The following SGCG variants were observed in gnomAD, a reference collection of about 807,000 sequenced individuals.
SGCG encodes gamma-sarcoglycan.
Under a neutral mutation model 29.3 loss-of-function variants are expected in SGCG, and 26 were observed. That is an observed-to-expected ratio of 0.89 (90% CI 0.65 to 1.23). The LOEUF (loss-of-function observed/expected upper bound fraction) is 1.23. SGCG is among the 50% of genes most tolerant of loss of function. SGCG has a pLI of 0.00. For missense variants in SGCG, 353 were observed against 356.0 expected (o/e 0.99, Z 0.07); for synonymous variants, 145 against 129.7 (o/e 1.12, Z -0.80).
chr13:23,256,905 C>T (rs541467883), intron 4 of SGCG, among the ~76,000 whole-genome samples: 3 of 152,190 alleles, frequency 2.0e-5, no homozygotes, highest in South Asian at 2.1e-4. Context: ...GTAATGGGAT[C>T]GCTGGGTCAA....
intron 6 of SGCG, among the ~76,000 whole-genome samples, chr13:23,309,263 G>A (rs1882471693): frequency 2.6e-5 from 4 of 152,056 alleles, no homozygotes; most frequent in Non-Finnish European, 2.9e-5. Context: ...GAGAGAGAGA[G>A]AGAAAGAGGA....
chr13:23,219,751 ATT>A (rs36072865), intron 2 of SGCG, among the ~76,000 whole-genome samples: 56,208 of 143,266 alleles, frequency 0.39, 11,379 homozygotes, highest in South Asian at 0.57. Context: ...CACAATTATT[ATT>A]TTTTTTTTTT....
chr13:23,215,933 T>C (rs1421149517), intron 2 of SGCG, among the ~76,000 whole-genome samples: 1 of 90,976 alleles, frequency 1.1e-5, no homozygotes, highest in Non-Finnish European at 2.4e-5. Context: ...TACAAGACTA[T>C]GTGCACAAAA....
intron 1 of SGCG, among the ~76,000 whole-genome samples, chr13:23,187,473 A>C (rs1877028139): frequency 6.6e-6 from 1 of 152,180 alleles, no homozygotes; most frequent in Non-Finnish European, 1.5e-5. Context: ...TAGCTTTGTC[A>C]GCGAGGAGGT....
intron 6 of SGCG, among the ~76,000 whole-genome samples, chr13:23,314,796 A>G (rs984355722): frequency 1.3e-5 from 2 of 152,132 alleles, no homozygotes; most frequent in Non-Finnish European, 2.9e-5. Flanking sequence ...TACTCCTTCT[A>G]AGGTGAAGGA....
chr13:23,236,021 T>G (rs932742965), intron 3 of SGCG, among the ~76,000 whole-genome samples: 3 of 152,146 alleles, frequency 2.0e-5, no homozygotes. Context: ...TAGTTTTAGG[T>G]GCTGTTATGT....
At chr13:23,164,655 G>C in the SGCG span, among the ~76,000 whole-genome samples, 1 of 152,156 alleles carries the variant, frequency 6.6e-6, no homozygotes, top group South Asian at 2.1e-4. Flanking sequence ...CCTGTGCAGA[G>C]ATCATTCGGC....
At chr13:23,180,597 G>A (rs369304498), upstream of SGCG, among the ~76,000 whole-genome samples, 58 of 152,264 alleles carry the variant, frequency 3.8e-4, no homozygotes, top group Middle Eastern at 3.4e-3. Flanking sequence ...GAGATTTTTC[G>A]TAAAATTTTA....
intron 2 of SGCG, among the ~76,000 whole-genome samples, chr13:23,216,290 T>C (rs1444428852): frequency 6.6e-6 from 1 of 152,174 alleles, no homozygotes; most frequent in Non-Finnish European, 1.5e-5. Context: ...TAGAACACTA[T>C]ACTTTTTTGA....
intron 2 of SGCG, among the ~76,000 whole-genome samples, chr13:23,215,583 C>A (rs2137518806): frequency 6.6e-6 from 1 of 152,130 alleles, no homozygotes. Flanking sequence ...TCAGTTTAAG[C>A]CTGGCACAAA....
rs138091339 is a variant in SGCG at position 23,188,713 on chromosome 13, C to T, written c.-1+7638C>T. Among the ~76,000 whole-genome samples the T allele has an allele frequency of 3.1e-3, 472 of 152,128 alleles. 1 individual carries two copies. Among genetic ancestry groups the T allele is most frequent in the African/African-American group, 0.011 (460 of 41,496 alleles). ...TGGACAAATGCTGTTCTGAGAATGT[C>T]CAAAATGGCCTAGATCCCTTCTGAG... On this transcript the variant is annotated intron_variant, in intron 1 of 7. Coordinates refer to ENST00000218867, the MANE Select transcript of SGCG (RefSeq NM_000231.3).
At chr13:23,319,896 C>T (rs1882969041) in intron 6 of SGCG, among the ~76,000 whole-genome samples, 1 of 152,152 alleles carries the variant, frequency 6.6e-6, no homozygotes. Context: ...ATTTTTGGTT[C>T]TCTTTCTATA....
At chr13:23,273,261 T>C (rs887780764) in intron 4 of SGCG, among the ~76,000 whole-genome samples, 3 of 152,082 alleles carry the variant, frequency 2.0e-5, no homozygotes, top group Non-Finnish European at 2.9e-5. Flanking sequence ...CTCAGCTCAC[T>C]GCAACCTCCG....
chr13:23,252,414 G>A (rs536267066), intron 4 of SGCG, among the ~76,000 whole-genome samples: 26 of 152,192 alleles, frequency 1.7e-4, no homozygotes, highest in Non-Finnish European at 3.2e-4. Context: ...ATTAGCGGCC[G>A]GGCACGGTGG....
rs980502210 is a variant in SGCG, at chr13:23,278,313, C to T, written c.386-1046C>T. ...ACAAAATTAGCCGAGCGTGGTGGCG[C>T]ATGCCTGTAATCCCAGCTACTCTGG... On this transcript the variant is annotated intron_variant, in intron 4 of 7. Transcript: ENST00000218867. Among the ~76,000 whole-genome samples, 3 of 152,144 alleles carry T rather than the reference C, an allele frequency of 2.0e-5. No homozygotes were observed. In the South Asian group the frequency reaches 6.2e-4, roughly 32 times the overall value.
At chr13:23,214,580 T>A (rs1878353936) in intron 2 of SGCG, among the ~76,000 whole-genome samples, 2 of 152,208 alleles carry the variant, frequency 1.3e-5, no homozygotes, top group South Asian at 4.1e-4. Context: ...CTCTGCACTG[T>A]GCTGGTGGCA....
intron 4 of SGCG, among the ~76,000 whole-genome samples, chr13:23,273,126 T>A (rs1880929569): frequency 6.6e-6 from 1 of 152,150 alleles, no homozygotes; most frequent in Admixed American, 6.5e-5. Flanking sequence ...TCCTTCCTTG[T>A]GCTTTCTTTT....
intron 6 of SGCG, among the ~76,000 whole-genome samples, chr13:23,303,729 T>G (rs944783944): frequency 1.3e-5 from 2 of 152,226 alleles, no homozygotes; most frequent in Non-Finnish European, 2.9e-5. Flanking sequence ...TTTCATATTG[T>G]TGGAGATATA....
intron 1 of SGCG, among the ~76,000 whole-genome samples, chr13:23,186,603 A>G (rs1345177662): frequency 6.6e-6 from 1 of 152,090 alleles, no homozygotes; most frequent in East Asian, 1.9e-4. Context: ...GGAGCGCCAT[A>G]ATGGTCATTG....
Sources: gnomAD v4.1 joint callset for allele counts (sites outside exome capture counted in the v4.1 genomes callset) on GRCh38, gnomAD v4.1.1 for gene constraint, MANE v1.5 for transcripts, NCBI Gene and HGNC (gene_info 2026-07-23, HGNC 2026-07-21) for gene names.